Variants in SLCO1B3 observed in about 807,000 individuals in gnomAD.
The protein encoded by SLCO1B3 is solute carrier organic anion transporter family member 1B3.
SLCO1B3 carries 72 observed loss-of-function variants against 71.8 expected under a neutral mutation model. That is an observed-to-expected ratio of 1.00 (90% CI 0.83 to 1.22). The LOEUF is 1.22. Ranked by LOEUF, SLCO1B3 falls within the 50% of genes most tolerant of loss-of-function variation. SLCO1B3 has a pLI of 0.00. For synonymous variants in SLCO1B3, 298 were observed against 278.4 expected, an observed-to-expected ratio of 1.07 and a Z score of -0.70; for missense variants, 911 against 819.7, an observed-to-expected ratio of 1.11 and a Z score of -1.36.
At chr12:20,867,616 G>C (rs1213196815) in intron 8 of SLCO1B3, among the ~76,000 whole-genome samples, 1 of 152,210 alleles carries the variant, frequency 6.6e-6, no homozygotes, top group African/African-American at 2.4e-5. Context: ...ATTGACATCA[G>C]ACAGTCTGGC....
intron 8 of SLCO1B3, among the ~76,000 whole-genome samples, chr12:20,866,998 G>T (rs909663403): frequency 6.6e-6 from 1 of 152,052 alleles, no homozygotes; most frequent in Non-Finnish European, 1.5e-5. Context: ...TCCATGCTTT[G>T]TTCCTGAAGA....
At chr12:20,826,328 C>T (rs1212178016) in intron 3 of SLCO1B3, among the ~76,000 whole-genome samples, 1 of 152,062 alleles carries the variant, frequency 6.6e-6, no homozygotes, top group Non-Finnish European at 1.5e-5. Flanking sequence ...TATCTCAATC[C>T]TTCTCAAAGG....
In SLCO1B3 at chr12:20,862,664, G is replaced by C. The variant is rs765504982; in HGVS notation, c.629-92G>C. The stretch of plus-strand genomic sequence containing the variant: ...TTTACCTATTAGAAAAATATTTGCA[G>C]AAGTGTATTGTATAATATTACTTTT... On this transcript the variant is annotated intron_variant, in intron 7 of 15. Transcript: ENST00000381545. 1.4e-5 allele frequency: 20 copies of C among 1,434,434 alleles called. No homozygotes were observed. The South Asian group carries it at 2.6e-4, about 19-fold the overall frequency. The allele number at this position is 1,434,434 out of a possible 1,614,324, so 88.9% of individuals were successfully genotyped here. A position where few individuals can be genotyped will look rare whatever the true frequency, so the allele number is the denominator to read the frequency against.
chr12:20,902,861 G>A (rs1428880249), intron 15 of SLCO1B3, among the ~76,000 whole-genome samples: 1 of 152,000 alleles, frequency 6.6e-6, no homozygotes, highest in Non-Finnish European at 1.5e-5. Flanking sequence ...TTGAGACCAG[G>A]AGTTCGAGAC....
chr12:20,861,987 A>T (rs1044006135), intron 6 of SLCO1B3, among the ~76,000 whole-genome samples: 1 of 152,158 alleles, frequency 6.6e-6, no homozygotes, highest in African/African-American at 2.4e-5. Context: ...TGTTTAACCA[A>T]ATTAGGAAAC....
chr12:20,814,237 T>C (rs982472295), intron 2 of SLCO1B3, among the ~76,000 whole-genome samples: 4 of 152,178 alleles, frequency 2.6e-5, no homozygotes, highest in African/African-American at 9.7e-5. Flanking sequence ...ACGTAAAAAG[T>C]TGACTCATTT....
chr12:20,817,964 C>T (rs1027649083), intron 3 of SLCO1B3, among the ~76,000 whole-genome samples: 6 of 151,980 alleles, frequency 3.9e-5, no homozygotes, highest in African/African-American at 7.3e-5. Context: ...CTTGGAGAAA[C>T]GGTGTAAACC....
At position 20,860,521 on chromosome 12, in the gene SLCO1B3, C is replaced by T. The variant is rs528991006; in HGVS notation, c.360-496C>T. ...TCTGTCCCTGATCCAGCTCCATCTCCGTTGTTCTTATTTTTTCCTCATAAA... is the reference window on the plus strand; with the variant it reads ...TCTGTCCCTGATCCAGCTCCATCTCTGTTGTTCTTATTTTTTCCTCATAAA... On this transcript the variant is annotated intron_variant, in intron 5 of 15. Coordinates refer to ENST00000381545, the MANE Select transcript of SLCO1B3 (RefSeq NM_019844.4). Among the ~76,000 whole-genome samples the T allele has an allele frequency of 9.2e-5, 14 of 151,412 alleles. No homozygotes were observed. The East Asian group carries it at 2.3e-3, about 25-fold the overall frequency.
rs373066132 is a variant in SLCO1B3, at chr12:20,825,700, A to G, written c.84+9878A>G. On this transcript the variant is annotated intron_variant, in intron 3 of 15. Transcript: ENST00000381545. ...TGTAATCCCAGCTGCTCAGAAAGCT[A>G]AGACAGGAGAATTGCTTGGATTTGG... is the stretch of plus-strand genomic sequence containing the variant. 1.1e-3 allele frequency among the ~76,000 whole-genome samples: 161 copies of G among 151,730 alleles called. 4 individuals carry two copies. The South Asian group carries it at 0.033, about 31-fold the overall frequency.
chr12:20,876,880 G>T (rs1406976066), intron 9 of SLCO1B3, among the ~76,000 whole-genome samples: 1 of 151,968 alleles, frequency 6.6e-6, no homozygotes, highest in Non-Finnish European at 1.5e-5. Context: ...ACCCAGGCTG[G>T]AGTGCAGTGG....
chr12:20,913,399 A>G (rs1386463262), intron 15 of SLCO1B3, among the ~76,000 whole-genome samples: 1 of 152,202 alleles, frequency 6.6e-6, no homozygotes, highest in African/African-American at 2.4e-5. Flanking sequence ...ATGTTAAGTG[A>G]AGACTTACTG....
At position 20,875,260 on chromosome 12, in the gene SLCO1B3, C is replaced by T. The variant is rs1865554413; in HGVS notation, c.753C>T (p.Asp251=). 4 of 1,613,088 alleles carry T rather than the reference C, an allele frequency of 2.5e-6. No homozygotes were observed. Among genetic ancestry groups the T allele is most frequent in the Non-Finnish European group, 3.4e-6 (4 of 1,179,648 alleles). Residue 251 remains aspartate, a synonymous_variant, in exon 9 of 16, where the codon GAC becomes GAT. Coordinates refer to ENST00000381545, the MANE Select transcript of SLCO1B3 (RefSeq NM_019844.4). The stretch of plus-strand genomic sequence containing the variant: ...GCACTATCAGAATAACTCCTAAGGA[C>T]TCTCGTTGGGTTGGAGCTTGGTGGC... ...DLSTIRITPK[D]SRWVGAWWLG... is the part of the protein sequence containing the mutation.
At chr12:20,827,789 C>T (rs767936471) in intron 3 of SLCO1B3, among the ~76,000 whole-genome samples, 5 of 152,110 alleles carry the variant, frequency 3.3e-5, no homozygotes, top group African/African-American at 4.8e-5. Flanking sequence ...AGGCTGCTCT[C>T]GAACTCCTGA....
chr12:20,895,522 A>C (rs11045589), intron 13 of SLCO1B3, among the ~76,000 whole-genome samples: 1 of 152,138 alleles, frequency 6.6e-6, no homozygotes, highest in Non-Finnish European at 1.5e-5. Flanking sequence ...CTTTGACTCC[A>C]TGTCTCACAT....
At chr12:20,898,762 A>G (rs1482446126) in intron 14 of SLCO1B3, among the ~76,000 whole-genome samples, 2 of 152,232 alleles carry the variant, frequency 1.3e-5, no homozygotes, top group Non-Finnish European at 1.5e-5. Flanking sequence ...TAACAGAAAC[A>G]GAAAGATAGG....
intron 3 of SLCO1B3, among the ~76,000 whole-genome samples, chr12:20,850,739 T>C (rs11494707): frequency 0.72 from 110,131 of 152,088 alleles, 42,467 homozygotes; most frequent in South Asian, 0.9. Flanking sequence ...TTCACACTTA[T>C]AAGTGAGAAC....
rs1374480586 is a variant in SLCO1B3 at position 20,892,464 on chromosome 12, CA to C, written c.1683-5971del. Among the ~76,000 whole-genome samples, 15 of 151,976 alleles carry C rather than the reference CA, an allele frequency of 9.9e-5. No homozygotes were observed. The East Asian group carries it at 2.9e-3, about 29-fold the overall frequency. ...ATGCTTACATACTGATGAGAATCAT[CA>C]GTAGAGATGAAGGAAACTGACAATG... On this transcript the variant is annotated intron_variant, in intron 13 of 15. Transcript: ENST00000381545.
In SLCO1B3 at chr12:20,833,839, G is replaced by A. The variant is rs144906115; in HGVS notation, c.84+18017G>A. Among the ~76,000 whole-genome samples, 298 of 146,978 alleles carry A rather than the reference G, an allele frequency of 2.0e-3. 2 individuals carry two copies. Among genetic ancestry groups the A allele is most frequent in the Non-Finnish European group, 2.0e-3 (136 of 66,912 alleles). ...CTATATATGCACACACACAGTTTGT[G>A]TTTAAATAAGTTTATATACTCTATA... is the stretch of plus-strand genomic sequence containing the variant. On this transcript the variant is annotated intron_variant, in intron 3 of 15. Transcript: ENST00000381545.
intron 3 of SLCO1B3, 45 bp from the exon 4 acceptor site, chr12:20,854,983 G>C: frequency 6.4e-7 from 1 of 1,563,258 alleles, no homozygotes. Flanking sequence ...ACATTATATA[G>C]TTCTTTGATT....
Sources: gnomAD v4.1 joint callset for allele counts (sites outside exome capture counted in the v4.1 genomes callset) on GRCh38, gnomAD v4.1.1 for gene constraint, MANE v1.5 for transcripts, NCBI Gene and HGNC (gene_info 2026-07-23, HGNC 2026-07-21) for gene names.